SPIDR: variants seen among roughly 807,000 people sequenced by gnomAD.
SPIDR encodes the protein DNA repair-scaffolding protein.
Under a neutral mutation model 104.6 loss-of-function variants are expected in SPIDR, and 93 were observed. The observed-to-expected ratio is 0.89, with a 90% CI of 0.75 to 1.06. The LOEUF is 1.06. SPIDR is among the 50% of genes least tolerant of loss of function. The pLI, the probability that SPIDR is intolerant of heterozygous loss-of-function variation, is 0.00. For synonymous variants in SPIDR, 431 were observed against 416.9 expected, an observed-to-expected ratio of 1.03 and a Z score of -0.41; for missense variants, 1,154 against 1,111.2, an observed-to-expected ratio of 1.04 and a Z score of -0.55.
intron 7 of SPIDR, among the ~76,000 whole-genome samples, chr8:47,425,249 C>T (rs2154336849): frequency 6.6e-6 from 1 of 152,220 alleles, no homozygotes; most frequent in Non-Finnish European, 1.5e-5. Context: ...ACCAAGCTGG[C>T]AGGTCACATT....
At chr8:47,609,329 A>G (rs1289881101) in intron 10 of SPIDR, among the ~76,000 whole-genome samples, 1 of 152,212 alleles carries the variant, frequency 6.6e-6, no homozygotes, top group Non-Finnish European at 1.5e-5. Context: ...ATCCAAGGTT[A>G]TGCAAACATA....
chr8:47,460,940 G>A (rs12547513), intron 8 of SPIDR, among the ~76,000 whole-genome samples: 75,944 of 152,048 alleles, frequency 0.5, 22,537 homozygotes, highest in East Asian at 0.66. Flanking sequence ...TTGATACAAA[G>A]TTCTTGGCTG....
intron 8 of SPIDR, among the ~76,000 whole-genome samples, chr8:47,523,164 C>CT (rs903931552): frequency 6.6e-6 from 1 of 151,874 alleles, no homozygotes; most frequent in Non-Finnish European, 1.5e-5. Flanking sequence ...CATGGCTTTT[C>CT]TTTTTTAATG....
At position 47,292,992 on chromosome 8, in the gene SPIDR, T is replaced by A. The variant is rs1586458681; in HGVS notation, c.362-875T>A. 1.3e-5 allele frequency among the ~76,000 whole-genome samples: 2 copies of A among 152,196 alleles called. 1 individual carries two copies. Among genetic ancestry groups the A allele is most frequent in the South Asian group, 4.2e-4 (2 of 4,818 alleles). On this transcript the variant is annotated intron_variant, in intron 4 of 19. Transcript: ENST00000297423. ...CTCCCTGGCTTCCTGTTGAGAAGGT[T>A]CAGCAACCTGGAAAATCTCTAATGT...
intron 8 of SPIDR, among the ~76,000 whole-genome samples, chr8:47,506,406 A>T (rs2081484929): frequency 6.6e-6 from 1 of 152,158 alleles, no homozygotes; most frequent in African/African-American, 2.4e-5. Context: ...TTGTTTCTGC[A>T]GTTGGTTCCA....
At chr8:47,324,134 A>C (rs1554598753) in intron 5 of SPIDR, among the ~76,000 whole-genome samples, 1 of 152,184 alleles carries the variant, frequency 6.6e-6, no homozygotes, top group East Asian at 1.9e-4. Flanking sequence ...AAGTCTTTAT[A>C]GATACCTCAT....
At chr8:47,618,683 T>G (rs1284144831) in intron 10 of SPIDR, among the ~76,000 whole-genome samples, 1 of 152,206 alleles carries the variant, frequency 6.6e-6, no homozygotes, top group Non-Finnish European at 1.5e-5. Context: ...GTGTGTGTAC[T>G]TTGAGGTAAG....
At chr8:47,609,273 A>G (rs1305824471) in intron 10 of SPIDR, among the ~76,000 whole-genome samples, 1 of 152,056 alleles carries the variant, frequency 6.6e-6, no homozygotes, top group African/African-American at 2.4e-5. Context: ...TTTTGTTATT[A>G]TTATTGCTTG....
At chr8:47,440,288 T>G in intron 7 of SPIDR, 35 bp from the exon 8 acceptor site, 1 of 1,583,832 alleles carries the variant, frequency 6.3e-7, no homozygotes, top group Non-Finnish European at 8.7e-7. Flanking sequence ...GTCTTTTGAT[T>G]TCATTTTTGC....
At position 47,595,889 on chromosome 8, in the gene SPIDR, A is replaced by G; in HGVS notation, c.1176A>G (p.Glu392=). 6.2e-7 allele frequency: 1 copy of G among 1,614,226 alleles called. No homozygotes were observed. Among genetic ancestry groups the G allele is most frequent in the Non-Finnish European group, 8.5e-7 (1 of 1,180,030 alleles). The part of the protein sequence containing the change: ...TYFCEKVVAK[E]DSEKTCEVYC... ...TTTGTGAGAAAGTTGTTGCCAAAGA[A>G]GATTCAGAAAAAACTTGTGAAGTGT... Residue 392 remains glutamate, a synonymous_variant, in exon 9 of 20, where the codon GAA becomes GAG. Transcript: ENST00000297423.
intron 10 of SPIDR, among the ~76,000 whole-genome samples, chr8:47,645,376 G>A (rs1223545912): frequency 6.6e-6 from 1 of 152,204 alleles, no homozygotes; most frequent in South Asian, 2.1e-4. Flanking sequence ...TTGGACTGGT[G>A]GTGGTGTGGT....
At chr8:47,554,358 T>C (rs1040169015) in intron 8 of SPIDR, among the ~76,000 whole-genome samples, 3 of 152,242 alleles carry the variant, frequency 2.0e-5, no homozygotes, top group African/African-American at 7.2e-5. Flanking sequence ...AGGTGGAATC[T>C]GCATAAGCAG....
chr8:47,705,441 G>T (rs2154485382), intron 14 of SPIDR, among the ~76,000 whole-genome samples: 1 of 152,280 alleles, frequency 6.6e-6, no homozygotes, highest in Admixed American at 6.5e-5. Context: ...GTCTCCTATA[G>T]TCTGCTTTTG....
At chr8:47,661,052 C>T in intron 10 of SPIDR, 1 of 700,506 alleles carries the variant, frequency 1.4e-6, no homozygotes, top group Middle Eastern at 7.1e-4. Context: ...GTGGTGCCTG[C>T]TCCCCTGCAC....
At chr8:47,707,345 C>T (rs1014110258) in intron 14 of SPIDR, among the ~76,000 whole-genome samples, 3 of 151,690 alleles carry the variant, frequency 2.0e-5, no homozygotes, top group Admixed American at 6.6e-5. Flanking sequence ...TAATGTTGAA[C>T]ATCTTTTCAT....
At chr8:47,295,442 C>T (rs1406110900) in intron 5 of SPIDR, among the ~76,000 whole-genome samples, 4 of 152,196 alleles carry the variant, frequency 2.6e-5, no homozygotes, top group African/African-American at 9.6e-5. Context: ...CTTTAGTCAG[C>T]ATCTTCCCTT....
Position 47,585,242 on chromosome 8 carries a change from T to G in SPIDR, c.1098-10569T>G, listed in dbSNP as rs568214575. Among the ~76,000 whole-genome samples, 10 of 152,284 alleles carry G rather than the reference T, an allele frequency of 6.6e-5. No individual in the cohort carries two copies. The East Asian group carries it at 1.4e-3, about 21-fold the overall frequency. On this transcript the variant is annotated intron_variant, in intron 8 of 19. Transcript: ENST00000297423. ...AGAAATTTTGCATAAAGCCAAAACT[T>G]AAGTTTGTGTAACTAGTACTGATAA... is the stretch of plus-strand genomic sequence containing the variant.
chr8:47,455,597 A>G (rs1175642794), intron 8 of SPIDR, among the ~76,000 whole-genome samples: 3 of 152,102 alleles, frequency 2.0e-5, no homozygotes, highest in Non-Finnish European at 4.4e-5. Flanking sequence ...GATAAAACAA[A>G]ACAAGAATCC....
chr8:47,303,512 G>C (rs2042596307), intron 5 of SPIDR, among the ~76,000 whole-genome samples: 2 of 152,160 alleles, frequency 1.3e-5, no homozygotes, highest in South Asian at 4.1e-4. Flanking sequence ...TGGAAATGCA[G>C]AAATCACCCG....
Sources: allele counts gnomAD v4.1 joint callset (sites outside exome capture counted in the v4.1 genomes callset), GRCh38; gene constraint gnomAD v4.1.1; transcripts MANE v1.5; gene names NCBI Gene and HGNC (gene_info 2026-07-23, HGNC 2026-07-21).